The following CBFA2T3 variants were observed in gnomAD, a reference collection of about 807,000 sequenced individuals.
The protein encoded by CBFA2T3 is CBFA2/RUNX1 partner transcriptional co-repressor 3.
A neutral mutation model predicts 58.6 loss-of-function variants in CBFA2T3; 31 were observed. The ratio of observed to expected loss-of-function variants is 0.53; its 90% CI spans 0.40 to 0.71. The LOEUF (loss-of-function observed/expected upper bound fraction) is 0.71. CBFA2T3 is among the 30% of genes least tolerant of loss of function. CBFA2T3 has a pLI of 0.00. For synonymous variants in CBFA2T3, 531 were observed against 421.9 expected (o/e 1.26, Z -3.17); for missense variants, 1,076 against 963.1 (o/e 1.12, Z -1.55).
rs74764702 is a variant in CBFA2T3 at position 88,885,276 on chromosome 16, C to G, written c.894-7G>C. 2,383 of 1,524,924 alleles carry G rather than the reference C, an allele frequency of 1.6e-3. 30 individuals are homozygous for G. The African/African-American group carries it at 0.029, about 19-fold the overall frequency. 94.5% of individuals were successfully genotyped at this position (1,524,924 alleles called of 1,614,324 possible). ...TGACCCGTTCTCTTTGGTCCTAGCCCCAAGAGCAGGTGGGGCGAGGGCAGT... is the reference window on the plus strand; with the variant it reads ...TGACCCGTTCTCTTTGGTCCTAGCCGCAAGAGCAGGTGGGGCGAGGGCAGT... On this transcript the variant is annotated splice_polypyrimidine_tract_variant and splice_region_variant and intron_variant, in intron 6 of 11. Coordinates refer to ENST00000268679, the MANE Select transcript of CBFA2T3 (RefSeq NM_005187.6). The surrounding 1 kb of genome is among the most constrained non-coding windows in gnomAD (Gnocchi z 5.3).
At chr16:88,975,228 C>T (rs369445549) in intron 1 of CBFA2T3, among the ~76,000 whole-genome samples, 2,128 of 99,172 alleles carry the variant, frequency 0.021, 41 homozygotes, top group South Asian at 0.058. Flanking sequence ...TCCTCACCTG[C>T]AGCCATGTCA....
chr16:88,933,059 G>A (rs1172508715), intron 1 of CBFA2T3, among the ~76,000 whole-genome samples: 2 of 152,218 alleles, frequency 1.3e-5, no homozygotes, highest in African/African-American at 4.8e-5. Context: ...CCAGGACCCG[G>A]AGACGTCACT....
chr16:88,947,602 C>T (rs569158613), intron 1 of CBFA2T3, among the ~76,000 whole-genome samples: 1 of 152,260 alleles, frequency 6.6e-6, no homozygotes, highest in Admixed American at 6.5e-5. Context: ...ATGTATTACA[C>T]ATTTTGAGAA....
intron 1 of CBFA2T3, among the ~76,000 whole-genome samples, chr16:88,969,233 C>G (rs1201321552): frequency 6.6e-6 from 1 of 152,202 alleles, no homozygotes; most frequent in Non-Finnish European, 1.5e-5. Context: ...CACTCTGTCC[C>G]CCTCAGGTCT....
chr16:88,897,389 C>G (rs1156955871), intron 3 of CBFA2T3, among the ~76,000 whole-genome samples: 1 of 152,350 alleles, frequency 6.6e-6, no homozygotes, highest in Middle Eastern at 3.4e-3. Context: ...TAGTGATGGA[C>G]CGGAGTCTGT....
In CBFA2T3 at chr16:88,958,919, G is replaced by A. The variant is rs1972297069; in HGVS notation, c.151+17738C>T. 6.6e-6 allele frequency among the ~76,000 whole-genome samples: 1 copy of A among 152,158 alleles called. No individual in the cohort carries two copies. Among genetic ancestry groups the A allele is most frequent in the South Asian group, 2.1e-4 (1 of 4,832 alleles). ...GCCCTTTTCCCTTTGCCTCCATGGA[G>A]CGGGCCTGAGTTCCCAGAGGGCTGA... On this transcript the variant is annotated intron_variant, in intron 1 of 11. Transcript: ENST00000268679. This position sits in a 1 kb window ranked among gnomAD's most constrained non-coding sequence, Gnocchi z 4.0.
chr16:88,948,607 T>C (rs900328887), intron 1 of CBFA2T3, among the ~76,000 whole-genome samples: 1 of 152,210 alleles, frequency 6.6e-6, no homozygotes, highest in Non-Finnish European at 1.5e-5. Flanking sequence ...CTCTTGGCTT[T>C]CTCCCCTGAC....
At chr16:88,882,209 C>T (rs938628733) in intron 8 of CBFA2T3, among the ~76,000 whole-genome samples, 4 of 152,238 alleles carry the variant, frequency 2.6e-5, no homozygotes, top group Non-Finnish European at 5.9e-5. Context: ...AGCTCAGGGG[C>T]GCCCACACAG....
chr16:88,905,670 T>C (rs74035892), intron 1 of CBFA2T3, among the ~76,000 whole-genome samples: 1,368 of 66,416 alleles, frequency 0.021, 20 homozygotes, highest in African/African-American at 0.071. Context: ...TGAGGGGAGG[T>C]GGGGCTGAAG....
At chr16:88,941,680 G>C (rs1033293566) in intron 1 of CBFA2T3, 1 of 148,754 alleles carries the variant, frequency 6.7e-6, no homozygotes, top group African/African-American at 2.4e-5. Flanking sequence ...AAGAGGTTGA[G>C]GGGTGCGGGC....
At chr16:88,966,643 T>C (rs754052168) in intron 1 of CBFA2T3, among the ~76,000 whole-genome samples, 7 of 151,456 alleles carry the variant, frequency 4.6e-5, no homozygotes, top group African/African-American at 7.3e-5. Context: ...AACAAGGAAT[T>C]CCTCCAGGAG....
intron 11 of CBFA2T3, among the ~76,000 whole-genome samples, chr16:88,877,631 C>T (rs1030280544): frequency 6.6e-6 from 1 of 152,288 alleles, no homozygotes; most frequent in Non-Finnish European, 1.5e-5. Context: ...GAGATCTCAC[C>T]ATCCGCCTCT....
At position 88,901,566 on chromosome 16, in the gene CBFA2T3, G is replaced by T; in HGVS notation, c.242C>A (p.Pro81Gln). 1 of 1,482,632 alleles carries T rather than the reference G, an allele frequency of 6.7e-7. No individual in the cohort carries two copies. 91.8% of individuals were successfully genotyped at this position (1,482,632 alleles called of 1,614,324 possible). Residue 81 changes from proline (P) to glutamine (Q), a missense_variant, in exon 2 of 12, where the codon CCG becomes CAG. Pro to Gln is a moderately conservative substitution (Grantham distance 76). Transcript: ENST00000268679. Reference protein sequence around the residue: ...TQPRSTPPSMPPPPPAASQGA... With the variant: ...TQPRSTPPSMQPPPPAASQGA... The stretch of plus-strand genomic sequence containing the variant: ...CTGGGATGCGGCAGGCGGTGGGGGC[G>T]GCATGCTGGGGGGTGTGGACCGGGG...
intron 1 of CBFA2T3, among the ~76,000 whole-genome samples, chr16:88,924,966 C>T (rs967520599): frequency 1.6e-4 from 25 of 152,350 alleles, no homozygotes; most frequent in South Asian, 8.3e-4. Flanking sequence ...AACTGAGGGA[C>T]GGCCCTGAAG....
intron 1 of CBFA2T3, among the ~76,000 whole-genome samples, chr16:88,908,103 A>G (rs1241552952): frequency 6.6e-6 from 1 of 152,196 alleles, no homozygotes; most frequent in Admixed American, 6.5e-5. Context: ...GCACTTTGGG[A>G]GGCCAAGGTA....
chr16:88,881,007 C>T (rs1257293440), intron 9 of CBFA2T3: 2 of 680,536 alleles, frequency 2.9e-6, no homozygotes, highest in East Asian at 2.7e-5. Context: ...GGCTGGGAGC[C>T]GTGTGTGTCC....
At chr16:88,928,644 G>A (rs1474414983) in intron 1 of CBFA2T3, among the ~76,000 whole-genome samples, 1 of 152,242 alleles carries the variant, frequency 6.6e-6, no homozygotes, top group African/African-American at 2.4e-5. Context: ...GCAAGACAGG[G>A]TGCCTGTGTA....
intron 7 of CBFA2T3, chr16:88,883,866 G>C (rs892258985): frequency 6.6e-6 from 1 of 152,298 alleles, no homozygotes; most frequent in Non-Finnish European, 1.5e-5. Context: ...GAGGCTTCCA[G>C]GCCCCACTGT....
chr16:88,905,251 A>G (rs1467278278), intron 1 of CBFA2T3, among the ~76,000 whole-genome samples: 1 of 151,888 alleles, frequency 6.6e-6, no homozygotes, highest in Non-Finnish European at 1.5e-5. Context: ...TCCACTGTAC[A>G]TGGGGCTTCA....
Sources: allele counts gnomAD v4.1 joint callset (sites outside exome capture counted in the v4.1 genomes callset), GRCh38; gene constraint gnomAD v4.1.1; non-coding constraint Gnocchi (gnomAD v3.1); transcripts MANE v1.5; gene names NCBI Gene and HGNC (gene_info 2026-07-23, HGNC 2026-07-21).